The following LUZP1 variants were observed in gnomAD, a reference collection of about 807,000 sequenced individuals.
LUZP1 encodes the protein filamin mechanobinding actin cross-linking protein.
A neutral mutation model predicts 71.3 loss-of-function variants in LUZP1; 25 were observed. The observed-to-expected ratio is 0.35, with a 90% CI of 0.26 to 0.49. LUZP1 has a LOEUF of 0.49. Among genes scored for constraint, LUZP1 ranks in the 20% least tolerant of loss-of-function variants. LUZP1 has a pLI of 0.99. For synonymous variants in LUZP1, 481 were observed against 506.4 expected, an observed-to-expected ratio of 0.95 and a Z score of 0.67; for missense variants, 1,142 against 1,300.8, an observed-to-expected ratio of 0.88 and a Z score of 1.88.
chr1:23,157,488 G>T (rs1009608119), intron 2 of LUZP1, among the ~76,000 whole-genome samples: 3 of 152,088 alleles, frequency 2.0e-5, no homozygotes, highest in Non-Finnish European at 4.4e-5. Flanking sequence ...ATCAGCCTGG[G>T]TAACATATCA....
chr1:23,104,468 G>C (rs1310136666), intron 3 of LUZP1, among the ~76,000 whole-genome samples: 3 of 152,122 alleles, frequency 2.0e-5, no homozygotes, highest in African/African-American at 7.2e-5. Context: ...ACAGGTGTGA[G>C]CCACCACGCC....
chr1:23,095,623 T>C (rs1381491777), intron 3 of LUZP1, among the ~76,000 whole-genome samples: 1 of 151,966 alleles, frequency 6.6e-6, no homozygotes, highest in African/African-American at 2.4e-5. Context: ...GAGACTCCAG[T>C]CCCCAATCTA....
chr1:23,123,122 C>CTT (rs949971757), intron 2 of LUZP1, among the ~76,000 whole-genome samples: 8 of 152,170 alleles, frequency 5.3e-5, no homozygotes, highest in Non-Finnish European at 1.2e-4. Context: ...CTAGACTATA[C>CTT]TTTATCACTT....
At chr1:23,173,848 G>A (rs747447629) in intron 1 of LUZP1, among the ~76,000 whole-genome samples, 1 of 152,088 alleles carries the variant, frequency 6.6e-6, no homozygotes, top group Non-Finnish European at 1.5e-5. Context: ...CCCATGCCGA[G>A]ATGATTTTCA....
chr1:23,092,835 C>T (rs752769715), exon 4 of LUZP1: 14 of 1,613,658 alleles, frequency 8.7e-6, no homozygotes, highest in African/African-American at 1.3e-5. Flanking sequence ...CGGGGGGTAG[C>T]GACTCAGCAC....
chr1:23,151,214 T>C (rs1644380717), intron 2 of LUZP1, among the ~76,000 whole-genome samples: 1 of 152,048 alleles, frequency 6.6e-6, no homozygotes, highest in Non-Finnish European at 1.5e-5. Context: ...CTGGTTAATT[T>C]TTGTATTTTT....
At chr1:23,091,268 A>T in exon 4 of LUZP1, 3 of 1,614,036 alleles carry the variant, frequency 1.9e-6, no homozygotes, top group Non-Finnish European at 2.5e-6. Flanking sequence ...CCTCTGACAC[A>T]GTGAGGCTAC....
exon 5 of LUZP1, chr1:23,085,546 G>A (rs1004331713): frequency 4.3e-4 from 66 of 152,596 alleles, no homozygotes; most frequent in African/African-American, 1.6e-3. Flanking sequence ...CCCAGCCTCT[G>A]GGTCCCCATT....
intron 2 of LUZP1, among the ~76,000 whole-genome samples, chr1:23,164,782 T>A (rs912414889): frequency 6.6e-6 from 1 of 152,220 alleles, no homozygotes; most frequent in African/African-American, 2.4e-5. Flanking sequence ...AAGGATATTC[T>A]GTCATAGGTG....
At chr1:23,169,174 C>G (rs1326760216) in intron 1 of LUZP1, 1 of 152,358 alleles carries the variant, frequency 6.6e-6, no homozygotes. Flanking sequence ...GCCTGGGCAA[C>G]ATGGCGAAAC....
chr1:23,091,038 C>T lies in LUZP1; in HGVS notation c.3072+152G>A, dbSNP rs1249267306. The T allele has an allele frequency of 1.2e-5, 10 of 840,796 alleles. No homozygotes were observed. The East Asian group carries it at 2.6e-4, about 22-fold the overall frequency. 52.1% of individuals were successfully genotyped at this position (840,796 alleles called of 1,614,324 possible). A position where few individuals can be genotyped will look rare whatever the true frequency, so the allele number is the denominator to read the frequency against. ...ACCTTCTTTAGGAGAAAGGTCAAAC[C>T]CCCCTGATTTTTCAACAGTTCTCTA... On this transcript the variant is annotated intron_variant, in intron 4 of 4. Coordinates refer to ENST00000302291, the Ensembl canonical transcript of LUZP1.
chr1:23,149,229 G>A (rs2124726269), intron 2 of LUZP1, among the ~76,000 whole-genome samples: 1 of 151,940 alleles, frequency 6.6e-6, no homozygotes, highest in African/African-American at 2.4e-5. Context: ...ACGAGCCACA[G>A]CAGGACTGAG....
chr1:23,139,350 A>T (rs1644285316), intron 2 of LUZP1, among the ~76,000 whole-genome samples: 1 of 152,108 alleles, frequency 6.6e-6, no homozygotes, highest in Non-Finnish European at 1.5e-5. Context: ...ACAATGTGTT[A>T]AGTGCAACAA....
At chr1:23,103,289 C>G (rs1643946132) in intron 3 of LUZP1, among the ~76,000 whole-genome samples, 1 of 152,112 alleles carries the variant, frequency 6.6e-6, no homozygotes, top group African/African-American at 2.4e-5. Context: ...TTGTAGTTAC[C>G]TGTTTTAAAA....
At chr1:23,091,658 G>A in exon 4 of LUZP1, 1 of 1,614,080 alleles carries the variant, frequency 6.2e-7, no homozygotes, top group East Asian at 2.2e-5. Flanking sequence ...TTTCTGGCCT[G>A]TCCTTCAGGG....
intron 1 of LUZP1, among the ~76,000 whole-genome samples, chr1:23,174,924 A>C (rs1216137459): frequency 6.6e-6 from 1 of 152,016 alleles, no homozygotes; most frequent in African/African-American, 2.4e-5. Flanking sequence ...CCGTTACTAC[A>C]TGCATTTCAT....
chr1:23,126,565 G>A (rs1436373469), intron 2 of LUZP1, among the ~76,000 whole-genome samples: 1 of 152,088 alleles, frequency 6.6e-6, no homozygotes, highest in Non-Finnish European at 1.5e-5. Flanking sequence ...TAGAAAAGGG[G>A]CTTCCCCACC....
exon 4 of LUZP1, chr1:23,092,902 G>T: frequency 6.2e-7 from 1 of 1,613,750 alleles, no homozygotes; most frequent in Non-Finnish European, 8.5e-7. Flanking sequence ...GGTACAAACC[G>T]GTCTTCAGTT....
At chr1:23,162,023 CAAAAAAAAAAAA>C (rs377371342) in intron 2 of LUZP1, among the ~76,000 whole-genome samples, 3 of 59,534 alleles carry the variant, frequency 5.0e-5, no homozygotes, top group Non-Finnish European at 9.7e-5. Context: ...GAGACTGTCT[CAAAAAAAAAAAA>C]AAAAAAAAAA....
Sources: allele counts gnomAD v4.1 joint callset (sites outside exome capture counted in the v4.1 genomes callset), GRCh38; gene constraint gnomAD v4.1.1; transcripts MANE v1.5; gene names NCBI Gene and HGNC (gene_info 2026-07-23, HGNC 2026-07-21).